Variants in CHST10 observed in about 807,000 individuals in gnomAD.
The protein encoded by CHST10 is HNK-1 sulfotransferase.
In CHST10, 24 loss-of-function variants were observed where a neutral mutation model predicts 34.7. The ratio of observed to expected loss-of-function variants is 0.69; its 90% CI spans 0.50 to 0.97. CHST10 has a LOEUF of 0.97. Ranked by LOEUF, CHST10 falls within the 50% of genes least tolerant of loss-of-function variation. The pLI is 0.00. For synonymous variants in CHST10, 161 were observed against 169.3 expected (o/e 0.95, Z 0.38); for missense variants, 402 against 452.1 (o/e 0.89, Z 1.00).
intron 2 of CHST10, among the ~76,000 whole-genome samples, chr2:100,414,526 T>C (rs773552694): frequency 1.1e-3 from 166 of 152,172 alleles, no homozygotes; most frequent in Non-Finnish European, 2.1e-3. Context: ...ACCCTATCAA[T>C]AGAATCATTA....
chr2:100,405,659 C>T (rs534437479), intron 3 of CHST10, among the ~76,000 whole-genome samples: 9 of 152,178 alleles, frequency 5.9e-5, no homozygotes, highest in African/African-American at 1.2e-4. Flanking sequence ...AGGCCACCAT[C>T]GGCAGGAGGA....
chr2:100,406,305 TCC>T (rs1675570473), intron 3 of CHST10, among the ~76,000 whole-genome samples: 1 of 152,150 alleles, frequency 6.6e-6, no homozygotes, highest in Non-Finnish European at 1.5e-5. Context: ...GAGACCCTGC[TCC>T]TTGCTCCTAG....
In CHST10 at chr2:100,393,451, C is replaced by T. The variant is rs781679368; in HGVS notation, c.865G>A (p.Asp289Asn). 50 of 1,614,026 alleles carry T rather than the reference C, an allele frequency of 3.1e-5. No homozygotes were observed. Among genetic ancestry groups the T allele is most frequent in the Non-Finnish European group, 4.2e-5 (49 of 1,180,042 alleles). ...VIGHHETLEDDAPYILKEAGI... is the reference protein window; with the variant it reads ...VIGHHETLEDNAPYILKEAGI... The stretch of plus-strand genomic sequence containing the variant: ...GCCTCTTTTAAGATGTATGGGGCAT[C>T]GTCCTCCAGGGTCTCGTGGTGTCCA... The change falls in exon 7 of 7, where the codon GAT (aspartate) becomes AAT (asparagine). Residue 289 changes from aspartate to asparagine, a missense_variant. Asp to Asn is a conservative substitution (Grantham distance 23). Transcript: ENST00000264249.
rs757380454 is a variant in CHST10 at position 100,395,586 on chromosome 2, G to T, written c.456C>A (p.Pro152=). ...TCTCGTGGTCGTGCACCACGTTTTC[G>T]GGGATCTCCTCAATGGAAGAAAATG... ...NGAFSSIEEI[P]ENVVHDHEKN... The change falls in exon 6 of 7, where the codon CCC becomes CCA. Residue 152 remains proline, a synonymous_variant. Transcript: ENST00000264249. 2 of 1,614,020 alleles carry T rather than the reference G, an allele frequency of 1.2e-6. No individual in the cohort carries two copies. The highest frequency in any genetic ancestry group is 4.5e-5 in the East Asian group (2 of 44,876).
chr2:100,401,665 C>A (rs963933417), intron 4 of CHST10, among the ~76,000 whole-genome samples: 3 of 152,150 alleles, frequency 2.0e-5, no homozygotes, highest in Non-Finnish European at 2.9e-5. Context: ...GATGCCTCAA[C>A]CTAAAAGCAA....
Position 100,392,750 on chromosome 2 carries a change from C to G in CHST10, c.*495G>C, listed in dbSNP as rs1474716730. The G allele has an allele frequency of 5.9e-6, 1 of 168,798 alleles. No individual in the cohort carries two copies. The highest frequency in any genetic ancestry group is 1.3e-5 in the Non-Finnish European group (1 of 76,746). 10.5% of individuals were successfully genotyped at this position (168,798 alleles called of 1,614,324 possible). On this transcript the variant is annotated 3_prime_UTR_variant, in exon 7 of 7. Transcript: ENST00000264249. The stretch of plus-strand genomic sequence containing the variant: ...AGGCCAGAGGTGCCGTTTTACTCCT[C>G]AGATCTGATGCTGCAAAAGTCTCTG...
chr2:100,406,434 C>T (rs1041715880), intron 3 of CHST10, 142 bp downstream of exon 3: 12 of 952,138 alleles, frequency 1.3e-5, no homozygotes, highest in East Asian at 7.8e-5. Flanking sequence ...CATGAAGGAA[C>T]GGAGGCCATG....
Position 100,393,240 on chromosome 2 carries a change from A to T in CHST10, c.*5T>A. The T allele has an allele frequency of 6.2e-7, 1 of 1,613,854 alleles. No individual in the cohort carries two copies. Among genetic ancestry groups the T allele is most frequent in the East Asian group, 2.2e-5 (1 of 44,876 alleles). ...AAAGATATTTGAATTCATAGGTCTT[A>T]TGCATTAGTTTAGCAAAAAGTCTGG... On this transcript the variant is annotated 3_prime_UTR_variant, in exon 7 of 7. Coordinates refer to ENST00000264249, the MANE Select transcript of CHST10 (RefSeq NM_004854.5).
intron 4 of CHST10, among the ~76,000 whole-genome samples, chr2:100,401,308 C>T (rs1355080490): frequency 6.6e-6 from 1 of 152,188 alleles, no homozygotes; most frequent in African/African-American, 2.4e-5. Flanking sequence ...CAGAGGGCGG[C>T]TCGGAAGACC....
At chr2:100,400,764 C>T (rs549615740) in intron 4 of CHST10, among the ~76,000 whole-genome samples, 3 of 152,246 alleles carry the variant, frequency 2.0e-5, no homozygotes, top group African/African-American at 4.8e-5. Flanking sequence ...CTGCAACCTC[C>T]GCTTCCTGGG....
chr2:100,415,764 A>G (rs1157466239), intron 1 of CHST10: 1 of 152,256 alleles, frequency 6.6e-6, no homozygotes, highest in Non-Finnish European at 1.5e-5. Context: ...TCACTTAACA[A>G]TAGGGATACC....
At chr2:100,404,917 GCT>G (rs1310258988) in intron 3 of CHST10, among the ~76,000 whole-genome samples, 4 of 152,154 alleles carry the variant, frequency 2.6e-5, no homozygotes, top group African/African-American at 2.4e-5. Context: ...ATTCTCAGCA[GCT>G]CTGTTTCTCT....
Position 100,395,576 on chromosome 2 carries a change from C to A in CHST10, c.466G>T (p.Val156Leu), listed in dbSNP as rs763509717. The stretch of plus-strand genomic sequence containing the variant: ...AGGCCGTTCTTCTCGTGGTCGTGCA[C>A]CACGTTTTCGGGGATCTCCTCAATG... ...SSIEEIPENV[V>L]HDHEKNGLPR... The change falls in exon 6 of 7, where the codon GTG (valine) becomes TTG (leucine). Residue 156 changes from valine (V) to leucine (L), a missense_variant. By Grantham distance (32) the Val-to-Leu change is conservative. Transcript: ENST00000264249. 1.9e-6 allele frequency: 3 copies of A among 1,614,058 alleles called. No homozygotes were observed. The highest frequency in any genetic ancestry group is 1.7e-5 in the Admixed American group (1 of 60,022).
chr2:100,411,510 A>G (rs1273954184), intron 2 of CHST10, among the ~76,000 whole-genome samples: 1 of 152,170 alleles, frequency 6.6e-6, no homozygotes, highest in Non-Finnish European at 1.5e-5. Context: ...CTCTCAAAAT[A>G]CCCACTTCCC....
chr2:100,400,652 T>C (rs1675297184), intron 4 of CHST10, among the ~76,000 whole-genome samples: 1 of 152,236 alleles, frequency 6.6e-6, no homozygotes, highest in South Asian at 2.1e-4. Flanking sequence ...CTATTTTCCA[T>C]TCAAACATTC....
intron 4 of CHST10, among the ~76,000 whole-genome samples, chr2:100,401,640 A>T (rs2104345652): frequency 6.6e-6 from 1 of 152,054 alleles, no homozygotes; most frequent in East Asian, 1.9e-4. Context: ...CATCCAAATT[A>T]TTTTCTTACC....
chr2:100,395,626 A>G lies in CHST10; in HGVS notation c.428-12T>C, dbSNP rs369322144. On this transcript the variant is annotated splice_polypyrimidine_tract_variant and intron_variant, in intron 5 of 6. Transcript: ENST00000264249. ...GGAAGAAAATGCTCCTGGGAAGTAA[A>G]CGGAAAGGAAGGCAGGTTGGCTGCT... The G allele has an allele frequency of 6.3e-5, 101 of 1,611,242 alleles. No individual in the cohort carries two copies. Among genetic ancestry groups the G allele is most frequent in the African/African-American group, 1.3e-4 (10 of 74,854 alleles).
At position 100,392,564 on chromosome 2, in the gene CHST10, C is replaced by T. The variant is rs1674840883; in HGVS notation, c.*681G>A. Reference sequence around the variant, plus strand: ...CTGAATGAAATAGGCGCTTGGCAGACACAGGTTCAGAAGCATGGACCAGCA... The same window carrying T: ...CTGAATGAAATAGGCGCTTGGCAGATACAGGTTCAGAAGCATGGACCAGCA... On this transcript the variant is annotated 3_prime_UTR_variant, in exon 7 of 7. Coordinates refer to ENST00000264249, the MANE Select transcript of CHST10 (RefSeq NM_004854.5). 1 of 152,776 alleles carries T rather than the reference C, an allele frequency of 6.5e-6. No homozygotes were observed. Among genetic ancestry groups the T allele is most frequent in the Admixed American group, 6.5e-5 (1 of 15,312 alleles). 9.5% of individuals were successfully genotyped at this position (152,776 alleles called of 1,614,324 possible). A position where few individuals can be genotyped will look rare whatever the true frequency, so the allele number is the denominator to read the frequency against.
At chr2:100,413,168 G>T (rs1397602742) in intron 2 of CHST10, among the ~76,000 whole-genome samples, 1 of 152,198 alleles carries the variant, frequency 6.6e-6, no homozygotes, top group Non-Finnish European at 1.5e-5. Flanking sequence ...ACAGCTAGGG[G>T]ACAAATGGCC....
Sources: allele counts gnomAD v4.1 joint callset (sites outside exome capture counted in the v4.1 genomes callset), GRCh38; gene constraint gnomAD v4.1.1; transcripts MANE v1.5; gene names NCBI Gene and HGNC (gene_info 2026-07-23, HGNC 2026-07-21).